Variants in ACAD11 observed in about 807,000 individuals in gnomAD.
ACAD11 encodes acyl-Coenzyme A dehydrogenase family, member 11.
Under a neutral mutation model 102.2 loss-of-function variants are expected in ACAD11, and 83 were observed. That is an observed-to-expected ratio of 0.81 (90% CI 0.68 to 0.97). The LOEUF (loss-of-function observed/expected upper bound fraction) is 0.97, where lower values mean the gene tolerates loss of function less well. Ranked by LOEUF, ACAD11 falls within the 50% of genes least tolerant of loss-of-function variation. The probability of loss-of-function intolerance (pLI) is 0.00; values close to 1 mark genes in which losing one functional copy is unlikely to be tolerated. For synonymous variants in ACAD11, 324 were observed against 319.8 expected, an observed-to-expected ratio of 1.01 and a Z score of -0.14; for missense variants, 901 against 951.7, an observed-to-expected ratio of 0.95 and a Z score of 0.70.
At chr3:132,584,899 T>C (rs1024195324) in intron 13 of ACAD11, among the ~76,000 whole-genome samples, 1 of 152,152 alleles carries the variant, frequency 6.6e-6, no homozygotes, top group Non-Finnish European at 1.5e-5. Flanking sequence ...GAATCAATAT[T>C]ATGAAAATGG....
intron 5 of ACAD11, among the ~76,000 whole-genome samples, chr3:132,636,268 T>C (rs1033358321): frequency 6.6e-6 from 1 of 152,196 alleles, no homozygotes; most frequent in Non-Finnish European, 1.5e-5. Context: ...CATTTACTAG[T>C]TCGTCTTACT....
chr3:132,641,638 A>G (rs192710595), intron 4 of ACAD11, among the ~76,000 whole-genome samples: 2,238 of 121,642 alleles, frequency 0.018, 98 homozygotes, highest in East Asian at 0.055. Flanking sequence ...AGGAGGAAGA[A>G]GAGGAAGAAG....
intron 17 of ACAD11, among the ~76,000 whole-genome samples, chr3:132,562,589 A>G (rs1937094917): frequency 6.6e-6 from 1 of 152,200 alleles, no homozygotes; most frequent in Admixed American, 6.5e-5. Context: ...TTGCTCCTCA[A>G]ACCATCAGCA....
chr3:132,611,607 G>T (rs911566321), intron 11 of ACAD11, among the ~76,000 whole-genome samples: 2 of 151,992 alleles, frequency 1.3e-5, no homozygotes, highest in Non-Finnish European at 2.9e-5. Flanking sequence ...CAAATCATCA[G>T]TGAACTCCCA....
chr3:132,575,311 C>CA (rs1318221520), intron 17 of ACAD11, among the ~76,000 whole-genome samples: 1 of 152,172 alleles, frequency 6.6e-6, no homozygotes, highest in Non-Finnish European at 1.5e-5. Flanking sequence ...TGACAGAATT[C>CA]AAGTCCTCCT....
chr3:132,631,573 T>G, intron 5 of ACAD11, 94 bp from the exon 6 acceptor site: 1 of 1,036,780 alleles, frequency 9.6e-7, no homozygotes, highest in South Asian at 4.0e-5. Context: ...AAAATCATGT[T>G]TTCCATCAAA....
At chr3:132,583,712 C>G (rs1263234147) in intron 13 of ACAD11, among the ~76,000 whole-genome samples, 1 of 152,068 alleles carries the variant, frequency 6.6e-6, no homozygotes, top group Admixed American at 6.6e-5. Context: ...CCTCTACACA[C>G]TGCTTTGAAT....
At chr3:132,585,689 T>C (rs553046716) in intron 13 of ACAD11, among the ~76,000 whole-genome samples, 61 of 152,066 alleles carry the variant, frequency 4.0e-4, no homozygotes, top group Middle Eastern at 3.4e-3. Context: ...AGGATATGAA[T>C]AGACACTTCT....
intron 17 of ACAD11, among the ~76,000 whole-genome samples, chr3:132,571,337 T>A (rs58855069): frequency 0.025 from 3,792 of 151,412 alleles, 161 homozygotes; most frequent in African/African-American, 0.087. Context: ...TTGGCCTACT[T>A]TTTAACGGTT....
chr3:132,577,164 A>C (rs1440893942), intron 15 of ACAD11, 149 bp from the exon 16 acceptor site: 4 of 604,192 alleles, frequency 6.6e-6, no homozygotes, highest in African/African-American at 5.7e-5. Flanking sequence ...CTCAGCCCTG[A>C]ACCCCAGGAC....
chr3:132,634,855 T>TGA (rs1272801791), intron 5 of ACAD11, among the ~76,000 whole-genome samples: 1 of 130,318 alleles, frequency 7.7e-6, no homozygotes, highest in Non-Finnish European at 1.5e-5. Flanking sequence ...AATTGAACAA[T>TGA]GAGAACACTT....
intron 17 of ACAD11, among the ~76,000 whole-genome samples, chr3:132,571,254 T>G (rs1937366388): frequency 6.6e-6 from 1 of 151,962 alleles, no homozygotes; most frequent in Non-Finnish European, 1.5e-5. Context: ...TAATGATCAG[T>G]GATTTTTAGC....
rs1459617357 is a variant in ACAD11 at position 132,631,196 on chromosome 3, A to G, written c.841+145T>C. The G allele has an allele frequency of 6.7e-6, 3 of 450,192 alleles. No homozygotes were observed. In the Admixed American group the frequency reaches 1.4e-4, roughly 20 times the overall value. The allele number at this position is 450,192 out of a possible 1,614,324, so 27.9% of individuals were successfully genotyped here. ...AAGAATTATCTTCAACAAAAAAATA[A>G]AATAAAAATAAAAATCATAATAAAA... On this transcript the variant is annotated intron_variant, in intron 6 of 19. Transcript: ENST00000264990.
intron 14 of ACAD11, 57 bp from the exon 15 acceptor site, chr3:132,578,938 A>AT (rs774873542): frequency 1.2e-6 from 2 of 1,605,074 alleles, no homozygotes; most frequent in African/African-American, 2.7e-5. Flanking sequence ...AATAAAACAG[A>AT]TAATAAGCAG....
chr3:132,586,041 C>T (rs1247665613), intron 13 of ACAD11, among the ~76,000 whole-genome samples: 3 of 152,044 alleles, frequency 2.0e-5, no homozygotes, highest in Admixed American at 6.6e-5. Context: ...CACATGCACA[C>T]GTATGTTTAT....
rs1936968756 is a variant in ACAD11 at position 132,559,051 on chromosome 3, CATCTGCTAA to C, written c.2254_2262del (p.Leu752_Asp754del). The C allele has an allele frequency of 1.2e-6, 2 of 1,613,642 alleles. No homozygotes were observed. The highest frequency in any genetic ancestry group is 1.7e-6 in the Non-Finnish European group (2 of 1,179,810). On this transcript the variant is annotated inframe_deletion, in exon 20 of 20. Coordinates refer to ENST00000264990, the MANE Select transcript of ACAD11 (RefSeq NM_032169.5). ...GCTGAAAGATGAACTTCGTCAGGTCCATCTGCTAAACGCAAAACTCGGGTTATAGCATAC... is the reference window on the plus strand; with the variant it reads ...GCTGAAAGATGAACTTCGTCAGGTCCACGCAAAACTCGGGTTATAGCATAC...
chr3:132,627,458 A>G (rs1019579047), intron 8 of ACAD11, among the ~76,000 whole-genome samples: 3 of 152,208 alleles, frequency 2.0e-5, no homozygotes, highest in Non-Finnish European at 4.4e-5. Context: ...CCAGAAGAAA[A>G]AGCAAAGAAG....
intron 13 of ACAD11, among the ~76,000 whole-genome samples, chr3:132,591,553 C>A (rs917421098): frequency 6.6e-6 from 1 of 152,028 alleles, no homozygotes; most frequent in African/African-American, 2.4e-5. Flanking sequence ...AATTTTGTAT[C>A]TAATATTTCC....
chr3:132,583,694 T>C (rs1237209661), intron 13 of ACAD11, among the ~76,000 whole-genome samples: 2 of 152,204 alleles, frequency 1.3e-5, no homozygotes, highest in Non-Finnish European at 2.9e-5. Context: ...TTTAGTGCCA[T>C]AAATTTCCCT....
Sources: allele counts gnomAD v4.1 joint callset (sites outside exome capture counted in the v4.1 genomes callset), GRCh38; gene constraint gnomAD v4.1.1; transcripts MANE v1.5; gene names NCBI Gene and HGNC (gene_info 2026-07-23, HGNC 2026-07-21).